Variants in UNC13C observed in about 807,000 individuals in gnomAD.
UNC13C encodes the protein unc-13 homolog C, also known as protein unc-13 homolog C.
A neutral mutation model predicts 245.4 loss-of-function variants in UNC13C; 174 were observed. The ratio of observed to expected loss-of-function variants is 0.71; its 90% CI spans 0.63 to 0.80. UNC13C has a LOEUF of 0.80. Ranked by LOEUF, UNC13C falls within the 30% of genes least tolerant of loss-of-function variation. The probability of loss-of-function intolerance (pLI) is 0.00; values close to 1 mark genes in which losing one functional copy is unlikely to be tolerated. For synonymous variants in UNC13C, 992 were observed against 895.1 expected, an observed-to-expected ratio of 1.11 and a Z score of -1.93; for missense variants, 2,829 against 2,602.9, an observed-to-expected ratio of 1.09 and a Z score of -1.89.
At chr15:53,977,016 G>C (rs570729749), upstream of UNC13C, 5 of 152,270 alleles carry the variant, frequency 3.3e-5, no homozygotes, top group Admixed American at 1.3e-4. Context: ...ACAGCCGGGG[G>C]CAGCAGAGCT....
At chr15:54,474,957 T>A (rs1892647331) in intron 19 of UNC13C, among the ~76,000 whole-genome samples, 1 of 151,914 alleles carries the variant, frequency 6.6e-6, no homozygotes, top group Non-Finnish European at 1.5e-5. Context: ...AAGTGAGAGT[T>A]CACTGAATCC....
At chr15:54,496,070 T>G (rs1465271828) in intron 20 of UNC13C, among the ~76,000 whole-genome samples, 1 of 152,098 alleles carries the variant, frequency 6.6e-6, no homozygotes, top group African/African-American at 2.4e-5. Flanking sequence ...ATTTTACATG[T>G]TCTCACCATA....
At chr15:54,205,075 A>G (rs2034665047) in intron 4 of UNC13C, among the ~76,000 whole-genome samples, 1 of 152,028 alleles carries the variant, frequency 6.6e-6, no homozygotes, top group Non-Finnish European at 1.5e-5. Context: ...TGATAATCAG[A>G]GAACTGAAAG....
At chr15:54,440,107 T>TA (rs1239345739) in intron 19 of UNC13C, among the ~76,000 whole-genome samples, 1 of 151,896 alleles carries the variant, frequency 6.6e-6, no homozygotes, top group African/African-American at 2.4e-5. Flanking sequence ...GTTTTCTTGA[T>TA]AGTGAGCGAG....
At chr15:53,916,234 A>G in the UNC13C span, among the ~76,000 whole-genome samples, 1 of 152,174 alleles carries the variant, frequency 6.6e-6, no homozygotes, top group African/African-American at 2.4e-5. Flanking sequence ...GACTATGGGG[A>G]CTGAGCCCTG....
intron 7 of UNC13C, among the ~76,000 whole-genome samples, chr15:54,241,833 C>T (rs964188650): frequency 6.6e-6 from 1 of 152,124 alleles, no homozygotes; most frequent in Non-Finnish European, 1.5e-5. Context: ...CTCTTTGCAC[C>T]TGAGGGTAAT....
chr15:54,517,630 A>G (rs1455190499), intron 24 of UNC13C, among the ~76,000 whole-genome samples: 3 of 152,146 alleles, frequency 2.0e-5, no homozygotes, highest in Admixed American at 6.6e-5. Context: ...AGCACACTGA[A>G]TATGATGACA....
At chr15:54,303,625 C>T (rs1332262299) in intron 13 of UNC13C, among the ~76,000 whole-genome samples, 8 of 142,504 alleles carry the variant, frequency 5.6e-5, no homozygotes, top group African/African-American at 7.7e-5. Flanking sequence ...AAGTATTTTT[C>T]TTTTTTTTTT....
Position 54,015,486 on chromosome 15 carries a change from A to T in UNC13C, c.2583A>T (p.Ala861=), listed in dbSNP as rs759479275. ...DVYTEPYYYK[A]EDEEDYTEPV... Reference sequence around the variant, plus strand: ...ACACGGAGCCCTATTACTATAAAGCAGAGGATGAGGAAGATTATACTGAAC... The same window carrying T: ...ACACGGAGCCCTATTACTATAAAGCTGAGGATGAGGAAGATTATACTGAAC... The change falls in exon 2 of 33, where the codon GCA becomes GCT. Residue 861 remains alanine, a synonymous_variant. Coordinates refer to ENST00000260323, the MANE Select transcript of UNC13C (RefSeq NM_001080534.3). The T allele has an allele frequency of 6.2e-7, 1 of 1,613,012 alleles. No individual in the cohort carries two copies. Among genetic ancestry groups the T allele is most frequent in the Non-Finnish European group, 8.5e-7 (1 of 1,179,266 alleles).
At chr15:54,232,792 A>T (rs924114064) in intron 4 of UNC13C, among the ~76,000 whole-genome samples, 8 of 152,158 alleles carry the variant, frequency 5.3e-5, no homozygotes, top group Admixed American at 3.3e-4. Flanking sequence ...TTCATTATTG[A>T]TACTGTTCAC....
At chr15:54,542,926 C>T (rs963641656) in intron 26 of UNC13C, among the ~76,000 whole-genome samples, 4 of 152,066 alleles carry the variant, frequency 2.6e-5, no homozygotes, top group Non-Finnish European at 5.9e-5. Flanking sequence ...GAATACAGCA[C>T]ACTGATGGGT....
At chr15:53,870,399 T>C in the UNC13C span, among the ~76,000 whole-genome samples, 2 of 152,064 alleles carry the variant, frequency 1.3e-5, no homozygotes, top group African/African-American at 2.4e-5. Context: ...CTGCAGAATT[T>C]GGACATGCTG....
Position 54,297,823 on chromosome 15 carries a change from A to C in UNC13C, c.4001A>C (p.Asp1334Ala). 2 of 1,607,404 alleles carry C rather than the reference A, an allele frequency of 1.2e-6. No individual in the cohort carries two copies. The highest frequency in any genetic ancestry group is 1.7e-6 in the Non-Finnish European group (2 of 1,176,574). The change falls in exon 12 of 33, where the codon GAT becomes GCT. Residue 1334 changes from aspartate to alanine, a missense_variant. Physicochemically the swap from Asp to Ala is moderately radical, Grantham distance 126. Transcript: ENST00000260323. ...DVWYNLEKRTDKSAVSGAIRL... is the reference protein window; with the variant it reads ...DVWYNLEKRTAKSAVSGAIRL... ...TTTGCTTTATCAGAGAAAAGGACAG[A>C]TAAGTCAGCTGTATCTGGGGCCATA...
chr15:53,856,324 T>A, the UNC13C span, among the ~76,000 whole-genome samples: 1 of 151,942 alleles, frequency 6.6e-6, no homozygotes. Flanking sequence ...TTTATTTATT[T>A]TTCTTGTCTT....
rs148609933 is a variant in UNC13C at position 54,196,425 on chromosome 15, T to A, written c.3072-38605T>A. Reference sequence around the variant, plus strand: ...GCAAAAAGTGGGACTTTTGGATCTATTCCACATTCAATTTTCCATATAATA... The same window carrying A: ...GCAAAAAGTGGGACTTTTGGATCTAATCCACATTCAATTTTCCATATAATA... On this transcript the variant is annotated intron_variant, in intron 4 of 32. Coordinates refer to ENST00000260323, the MANE Select transcript of UNC13C (RefSeq NM_001080534.3). Among the ~76,000 whole-genome samples, 507 of 152,116 alleles carry A rather than the reference T, an allele frequency of 3.3e-3. 6 individuals are homozygous for A. The highest frequency in any genetic ancestry group is 0.012 in the African/African-American group (494 of 41,518).
the UNC13C span, chr15:53,912,949 G>A: frequency 3.3e-5 from 5 of 152,286 alleles, no homozygotes; most frequent in African/African-American, 1.2e-4. Flanking sequence ...AGACTTGATG[G>A]CTGTTTGACA....
intron 15 of UNC13C, among the ~76,000 whole-genome samples, chr15:54,333,424 T>G (rs73415715): frequency 0.012 from 1,865 of 152,064 alleles, 32 homozygotes; most frequent in African/African-American, 0.042. Context: ...TCATGAAAAT[T>G]TTTTCCTATG....
chr15:54,212,250 A>G (rs898226979), intron 4 of UNC13C, among the ~76,000 whole-genome samples: 2 of 152,222 alleles, frequency 1.3e-5, no homozygotes, highest in South Asian at 2.1e-4. Context: ...GGAGAGATCC[A>G]TGGGAGAGGT....
intron 19 of UNC13C, among the ~76,000 whole-genome samples, chr15:54,426,029 C>T (rs1596358165): frequency 6.6e-6 from 1 of 151,644 alleles, no homozygotes. Flanking sequence ...ATGACTCTAA[C>T]AATGACTCTC....
Sources: allele counts gnomAD v4.1 joint callset (sites outside exome capture counted in the v4.1 genomes callset), GRCh38; gene constraint gnomAD v4.1.1; transcripts MANE v1.5; gene names NCBI Gene and HGNC (gene_info 2026-07-23, HGNC 2026-07-21).